The following GMCL1 variants were observed in gnomAD, a reference collection of about 807,000 sequenced individuals.
GMCL1 encodes germ cell-less 1, spermatogenesis associated.
GMCL1 carries 54 observed loss-of-function variants against 75.5 expected under a neutral mutation model. The observed-to-expected ratio is 0.71, with a 90% CI of 0.57 to 0.90. The LOEUF (loss-of-function observed/expected upper bound fraction) is 0.90. Ranked by LOEUF, GMCL1 falls within the 40% of genes least tolerant of loss-of-function variation. GMCL1 has a pLI of 0.00. For synonymous variants in GMCL1, 210 were observed against 209.6 expected (o/e 1.00, Z -0.02); for missense variants, 537 against 622.7 (o/e 0.86, Z 1.47).
chr2:69,868,961 A>G (rs2104041685), intron 11 of GMCL1, among the ~76,000 whole-genome samples: 1 of 148,090 alleles, frequency 6.8e-6, no homozygotes, highest in Middle Eastern at 3.5e-3. Flanking sequence ...TCAAAATACA[A>G]AAAAAAAAGG....
intron 8 of GMCL1, 142 bp from the exon 9 acceptor site, chr2:69,854,681 G>T (rs1481873406): frequency 1.6e-6 from 1 of 640,214 alleles, no homozygotes; most frequent in African/African-American, 1.9e-5. Flanking sequence ...TAAACCTAAG[G>T]TTTATAAAAT....
At chr2:69,863,964 C>T (rs1675732267) in intron 10 of GMCL1, among the ~76,000 whole-genome samples, 1 of 152,104 alleles carries the variant, frequency 6.6e-6, no homozygotes, top group African/African-American at 2.4e-5. Flanking sequence ...TCCACCCCAC[C>T]CAACAAGCTT....
chr2:69,854,744 C>T (rs572689980), intron 8 of GMCL1, 79 bp from the exon 9 acceptor site: 35 of 1,144,094 alleles, frequency 3.1e-5, no homozygotes, highest in Non-Finnish European at 3.5e-5. Flanking sequence ...CATGAATGTA[C>T]GTATCCCCCG....
At chr2:69,865,093 T>C in intron 11 of GMCL1, 118 bp downstream of exon 11, 1 of 678,174 alleles carries the variant, frequency 1.5e-6, no homozygotes, top group East Asian at 2.9e-5. Flanking sequence ...TTTGATACAC[T>C]TTCTGTAGCA....
intron 1 of GMCL1, 92 bp downstream of exon 1, chr2:69,830,244 C>A: frequency 6.9e-7 from 1 of 1,440,458 alleles, no homozygotes; most frequent in South Asian, 1.4e-5. Context: ...GGGTGCAGCG[C>A]TCCCCAGCCT....
intron 9 of GMCL1, among the ~76,000 whole-genome samples, chr2:69,860,570 A>G (rs923601743): frequency 2.6e-5 from 4 of 152,168 alleles, no homozygotes; most frequent in Non-Finnish European, 4.4e-5. Flanking sequence ...AGAGTTTATT[A>G]TTCAATTTTC....
At chr2:69,845,294 C>G (rs1675106567) in intron 6 of GMCL1, among the ~76,000 whole-genome samples, 1 of 152,186 alleles carries the variant, frequency 6.6e-6, no homozygotes, top group East Asian at 1.9e-4. Context: ...CAAGATTTCT[C>G]CATCACCTGT....
chr2:69,876,363 G>C (rs1676130276), intron 13 of GMCL1, among the ~76,000 whole-genome samples: 1 of 152,160 alleles, frequency 6.6e-6, no homozygotes, highest in Admixed American at 6.5e-5. Context: ...TCTGATTTGA[G>C]CAATTTAATT....
chr2:69,860,685 G>A (rs2104013512), intron 9 of GMCL1, among the ~76,000 whole-genome samples: 1 of 152,292 alleles, frequency 6.6e-6, no homozygotes, highest in East Asian at 1.9e-4. Flanking sequence ...GCAAGAATAT[G>A]CTTTTAACTA....
chr2:69,837,018 A>C (rs1674836427), intron 1 of GMCL1, among the ~76,000 whole-genome samples: 1 of 152,232 alleles, frequency 6.6e-6, no homozygotes, highest in Non-Finnish European at 1.5e-5. Context: ...CCGTTTGTCC[A>C]GTGGCTGGAA....
In GMCL1 at chr2:69,881,277, G is replaced by A. The variant is rs1676266269; in HGVS notation, c.*2273G>A. The A allele has an allele frequency of 6.6e-6, 1 of 152,174 alleles. No homozygotes were observed. The highest frequency in any genetic ancestry group is 2.1e-4 in the South Asian group (1 of 4,836). The allele number at this position is 152,174 out of a possible 1,614,324, so 9.4% of individuals were successfully genotyped here. A position where few individuals can be genotyped will look rare whatever the true frequency, so the allele number is the denominator to read the frequency against. On this transcript the variant is annotated 3_prime_UTR_variant, in exon 14 of 14. Transcript: ENST00000282570. ...AGTAATTCACACTGGTAGTAAAGAT[G>A]TGCTTTTGTTTTCTTACCAAATATT... is the stretch of plus-strand genomic sequence containing the variant.
At chr2:69,844,238 A>T in intron 6 of GMCL1, 42 bp downstream of exon 6, 1 of 1,087,932 alleles carries the variant, frequency 9.2e-7, no homozygotes, top group African/African-American at 1.6e-5. Context: ...TCATCCTAAA[A>T]TATTGTTTAT....
At chr2:69,836,184 A>G (rs1312464564) in intron 1 of GMCL1, among the ~76,000 whole-genome samples, 2 of 152,042 alleles carry the variant, frequency 1.3e-5, no homozygotes, top group Non-Finnish European at 2.9e-5. Context: ...CTTAGCCTCC[A>G]TCCTAGTCCT....
At chr2:69,863,157 C>T (rs1297784437) in intron 10 of GMCL1, among the ~76,000 whole-genome samples, 1 of 152,086 alleles carries the variant, frequency 6.6e-6, no homozygotes, top group Non-Finnish European at 1.5e-5. Flanking sequence ...GTTAGTTGAC[C>T]CTGCAAAACC....
At chr2:69,845,821 T>C (rs1241666402) in intron 6 of GMCL1, among the ~76,000 whole-genome samples, 2 of 152,236 alleles carry the variant, frequency 1.3e-5, no homozygotes, top group Non-Finnish European at 2.9e-5. Flanking sequence ...AGTCATTTTC[T>C]GGCTTGCATT....
chr2:69,857,024 A>T (rs1675490747), intron 9 of GMCL1, among the ~76,000 whole-genome samples: 1 of 152,148 alleles, frequency 6.6e-6, no homozygotes, highest in African/African-American at 2.4e-5. Flanking sequence ...TAAAACCTGG[A>T]TATGCCATGA....
At chr2:69,844,544 CTTT>C (rs34141260) in intron 6 of GMCL1, 1,548 of 132,160 alleles carry the variant, frequency 0.012, 28 homozygotes, top group African/African-American at 0.034. Flanking sequence ...CTGTTTTGGC[CTTT>C]TTTTTTTTTT....
chr2:69,831,364 T>G (rs917736678), intron 1 of GMCL1, among the ~76,000 whole-genome samples: 5 of 91,740 alleles, frequency 5.5e-5, no homozygotes, highest in African/African-American at 4.0e-4. Flanking sequence ...TTTGTATTTA[T>G]TATACAAAAA....
At chr2:69,844,028 A>G (rs540775301) in intron 5 of GMCL1, 103 bp from the exon 6 acceptor site, 3 of 497,444 alleles carry the variant, frequency 6.0e-6, no homozygotes, top group East Asian at 3.5e-5. Context: ...AGTTTTGAGC[A>G]TGTTCTGGCA....
Sources: gnomAD v4.1 joint callset for allele counts (sites outside exome capture counted in the v4.1 genomes callset) on GRCh38, gnomAD v4.1.1 for gene constraint, MANE v1.5 for transcripts, NCBI Gene and HGNC (gene_info 2026-07-23, HGNC 2026-07-21) for gene names.